MCC: variants seen among roughly 807,000 people sequenced by gnomAD.
The protein encoded by MCC is MCC regulator of Wnt signaling pathway.
MCC carries 90 observed loss-of-function variants against 116.2 expected under a neutral mutation model. The observed-to-expected ratio is 0.77, with a 90% CI of 0.65 to 0.92. The LOEUF (loss-of-function observed/expected upper bound fraction) is 0.92, where lower values mean the gene tolerates loss of function less well. Among genes scored for constraint, MCC ranks in the 40% least tolerant of loss-of-function variants. MCC has a pLI of 0.00. For synonymous variants in MCC, 578 were observed against 510.5 expected, an observed-to-expected ratio of 1.13 and a Z score of -1.78; for missense variants, 1,516 against 1,312.2, an observed-to-expected ratio of 1.16 and a Z score of -2.40.
chr5:113,247,099 C>T (rs554677248), intron 3 of MCC, among the ~76,000 whole-genome samples: 2 of 152,314 alleles, frequency 1.3e-5, no homozygotes, highest in South Asian at 2.1e-4. Flanking sequence ...GGAAAGGTAA[C>T]GTCTTAAGAC....
At chr5:113,261,093 T>C (rs1765204352) in intron 3 of MCC, among the ~76,000 whole-genome samples, 1 of 152,170 alleles carries the variant, frequency 6.6e-6, no homozygotes, top group Non-Finnish European at 1.5e-5. Context: ...GAACAACCCA[T>C]CCTAAGTTCA....
At chr5:113,044,837 G>C (rs978110049) in intron 16 of MCC, among the ~76,000 whole-genome samples, 4 of 152,216 alleles carry the variant, frequency 2.6e-5, no homozygotes, top group African/African-American at 9.7e-5. Context: ...GCCTCCCAAA[G>C]TGCTGGGATC....
At chr5:113,130,558 A>G (rs1193568833) in intron 5 of MCC, among the ~76,000 whole-genome samples, 1 of 152,164 alleles carries the variant, frequency 6.6e-6, no homozygotes, top group Non-Finnish European at 1.5e-5. Context: ...TCTCATGTAG[A>G]AATTTCACCC....
In MCC at chr5:113,419,446, C is replaced by T. The variant is rs1454367033; in HGVS notation, c.171-34234G>A. The stretch of plus-strand genomic sequence containing the variant: ...TCCTGGACTCAAGCAATCCTCCCAC[C>T]TCAAGCTCCCAAAGTGCTGGGATTA... On this transcript the variant is annotated intron_variant, in intron 1 of 18. Coordinates refer to ENST00000408903, the MANE Select transcript of MCC (RefSeq NM_001085377.2). Among the ~76,000 whole-genome samples, 6 of 152,118 alleles carry T rather than the reference C, an allele frequency of 3.9e-5. No individual in the cohort carries two copies. In the East Asian group the frequency reaches 1.2e-3, roughly 29 times the overall value.
At position 113,269,298 on chromosome 5, in the gene MCC, CTTTTT is replaced by C. The variant is rs1765527729; in HGVS notation, c.627+71216_627+71220del. 7.0e-6 allele frequency: 4 copies of C among 574,876 alleles called. No individual in the cohort carries two copies. In the African/African-American group the frequency reaches 1.4e-4, roughly 20 times the overall value. 35.6% of individuals were successfully genotyped at this position (574,876 alleles called of 1,614,324 possible). ...GCAGGGAACCAGAGGCCAATGAACT[CTTTTT>C]CAATGATACCTTTTTCAATGATACC... is the stretch of plus-strand genomic sequence containing the variant. On this transcript the variant is annotated intron_variant, in intron 3 of 18. Transcript: ENST00000408903.
Position 113,363,673 on chromosome 5 carries a change from T to C in MCC, c.415+21295A>G, listed in dbSNP as rs546287557. 7.9e-5 allele frequency among the ~76,000 whole-genome samples: 12 copies of C among 152,218 alleles called. No homozygotes were observed. The East Asian group carries it at 2.3e-3, about 29-fold the overall frequency. ...ACATGAGATTTGGTGGGGATACAGA[T>C]CCAAACCCTATCGTTCCACCTCTGG... On this transcript the variant is annotated intron_variant, in intron 2 of 18. Transcript: ENST00000408903.
intron 4 of MCC, among the ~76,000 whole-genome samples, chr5:113,146,205 GCTACA>G (rs1194333139): frequency 4.2e-5 from 1 of 23,634 alleles, no homozygotes; most frequent in African/African-American, 1.3e-4. Flanking sequence ...TGTGCTGGGT[GCTACA>G]GGGGAGGTGA....
rs1554079796 is a variant in MCC, at chr5:113,376,574, TAC to T, written c.415+8392_415+8393del. On this transcript the variant is annotated intron_variant, in intron 2 of 18. Coordinates refer to ENST00000408903, the MANE Select transcript of MCC (RefSeq NM_001085377.2). ...TGAATCTCCTAGTTGCCATATTTTA[TAC>T]ACACACACACACACACACACACACA... Among the ~76,000 whole-genome samples the T allele has an allele frequency of 9.2e-3, 1,341 of 145,736 alleles. 13 individuals are homozygous for T. Among genetic ancestry groups the T allele is most frequent in the South Asian group, 0.031 (141 of 4,480 alleles).
chr5:113,406,588 T>C (rs1328946228), intron 1 of MCC, among the ~76,000 whole-genome samples: 2 of 152,354 alleles, frequency 1.3e-5, no homozygotes, highest in East Asian at 3.8e-4. Flanking sequence ...CTATACTCAC[T>C]AGTGAAAGTA....
intron 3 of MCC, among the ~76,000 whole-genome samples, chr5:113,291,908 G>C (rs1766510220): frequency 6.6e-6 from 1 of 152,166 alleles, no homozygotes; most frequent in South Asian, 2.1e-4. Flanking sequence ...ATTGAACTGA[G>C]ATTTAGGGTC....
At chr5:113,276,283 G>A (rs368265668) in intron 3 of MCC, among the ~76,000 whole-genome samples, 1 of 152,196 alleles carries the variant, frequency 6.6e-6, no homozygotes, top group East Asian at 1.9e-4. Context: ...TAGAACAACA[G>A]ATGGTCCTAA....
At chr5:113,093,563 G>T (rs769412708) in intron 8 of MCC, among the ~76,000 whole-genome samples, 16 of 152,088 alleles carry the variant, frequency 1.1e-4, no homozygotes, top group Non-Finnish European at 2.2e-4. Flanking sequence ...AAAGTGAGAT[G>T]TTGGGGGGAT....
chr5:113,042,112 C>T (rs1412617860), intron 17 of MCC, among the ~76,000 whole-genome samples: 1 of 151,978 alleles, frequency 6.6e-6, no homozygotes, highest in East Asian at 1.9e-4. Context: ...GAAAGAGTCA[C>T]AAAACTCAAC....
At chr5:113,265,744 C>A (rs1236565713) in intron 3 of MCC, among the ~76,000 whole-genome samples, 1 of 152,114 alleles carries the variant, frequency 6.6e-6, no homozygotes, top group Non-Finnish European at 1.5e-5. Flanking sequence ...CACTGCAGGC[C>A]AACCCCTCTA....
intron 1 of MCC, among the ~76,000 whole-genome samples, chr5:113,454,945 T>C (rs767371556): frequency 9.2e-5 from 14 of 152,186 alleles, no homozygotes; most frequent in African/African-American, 3.1e-4. Context: ...TGAGGAGTCA[T>C]GCACATGCAC....
rs1021553970 is a variant in MCC, at chr5:113,461,736, T to C, written c.170+26509A>G. On this transcript the variant is annotated intron_variant, in intron 1 of 18. Coordinates refer to ENST00000408903, the MANE Select transcript of MCC (RefSeq NM_001085377.2). The stretch of plus-strand genomic sequence containing the variant: ...GAATGGATTTTAAGGATGAACAACT[T>C]GCACCAGTAAAAAAAAAAAAAAAAA... Among the ~76,000 whole-genome samples the C allele has an allele frequency of 1.5e-4, 18 of 121,850 alleles. 1 individual carries two copies. The highest frequency in any genetic ancestry group is 2.1e-4 in the Non-Finnish European group (13 of 61,830). 79.9% of individuals were successfully genotyped at this position (121,850 alleles called of 152,430 possible).
chr5:113,413,532 G>C (rs972869175), intron 1 of MCC, among the ~76,000 whole-genome samples: 59 of 152,220 alleles, frequency 3.9e-4, no homozygotes, highest in African/African-American at 1.4e-3. Context: ...TTATCTATTT[G>C]TTCTAGCTTT....
chr5:113,270,579 T>C (rs1169557935), intron 3 of MCC, among the ~76,000 whole-genome samples: 1 of 150,806 alleles, frequency 6.6e-6, no homozygotes, highest in Admixed American at 6.6e-5. Flanking sequence ...ACCCACTGCA[T>C]TCCCTACCTA....
chr5:113,078,248 C>T (rs1754598801), intron 11 of MCC, among the ~76,000 whole-genome samples: 1 of 152,208 alleles, frequency 6.6e-6, no homozygotes, highest in African/African-American at 2.4e-5. Flanking sequence ...TGGTATCATT[C>T]CTTCTGAAAC....
Sources: allele counts gnomAD v4.1 joint callset (sites outside exome capture counted in the v4.1 genomes callset), GRCh38; gene constraint gnomAD v4.1.1; transcripts MANE v1.5; gene names NCBI Gene and HGNC (gene_info 2026-07-23, HGNC 2026-07-21).